The following ABCA1 variants were observed in gnomAD, a reference collection of about 807,000 sequenced individuals.
ABCA1 encodes phospholipid-transporting ATPase ABCA1.
A neutral mutation model predicts 262.5 loss-of-function variants in ABCA1; 133 were observed. The ratio of observed to expected loss-of-function variants is 0.51; its 90% CI spans 0.44 to 0.59. The LOEUF (loss-of-function observed/expected upper bound fraction) is 0.59, where lower values mean the gene tolerates loss of function less well. Ranked by LOEUF, ABCA1 falls within the 20% of genes least tolerant of loss-of-function variation. The pLI, the probability that ABCA1 is intolerant of heterozygous loss-of-function variation, is 0.00. For synonymous variants in ABCA1, 1,022 were observed against 1,043.5 expected (o/e 0.98, Z 0.40); for missense variants, 2,452 against 2,777.5 (o/e 0.88, Z 2.63).
chr9:104,790,794 C>T, intron 44 of ABCA1, 128 bp downstream of exon 44: 5 of 686,124 alleles, frequency 7.3e-6, no homozygotes, highest in South Asian at 3.4e-5. Context: ...GCTTCTTTAC[C>T]CTTTACTATA....
In ABCA1 at chr9:104,810,150, A is replaced by G. The variant is rs186908396; in HGVS notation, c.4176-586T>C. On this transcript the variant is annotated intron_variant, in intron 29 of 49. Transcript: ENST00000374736. ...AGGCCAATTCACATTACATATATAT[A>G]TATATATATATATATATACTTTTTT... 5.0e-4 allele frequency among the ~76,000 whole-genome samples: 65 copies of G among 130,430 alleles called. 1 individual carries two copies. In the East Asian group the frequency reaches 5.4e-3, roughly 11 times the overall value. The allele number at this position is 130,430 out of a possible 152,430, so 85.6% of individuals were successfully genotyped here.
Position 104,802,086 on chromosome 9 carries a change from T to G in ABCA1, c.4666A>C (p.Lys1556Gln). 1 of 1,614,216 alleles carries G rather than the reference T, an allele frequency of 6.2e-7. No homozygotes were observed. Among genetic ancestry groups the G allele is most frequent in the Non-Finnish European group, 8.5e-7 (1 of 1,180,034 alleles). The change falls in exon 34 of 50, where the codon AAA becomes CAA. Residue 1556 changes from lysine to glutamine, a missense_variant. This residue lies in a region of ABCA1 where 752 missense variants were observed against 944.5 expected (regional missense o/e 0.80). Transcript: ENST00000374736. ...AGCTTTAGGTGTTTCTTCATTTGTT[T>G]GATGGCATCATTAACTTCTTGACTC... ...PPSQEVNDAIKQMKKHLKLAK... is the reference protein window; with the variant it reads ...PPSQEVNDAIQQMKKHLKLAK...
At position 104,787,015 on chromosome 9, in the gene ABCA1, A is replaced by G. The variant is rs537776406; in HGVS notation, c.6205-39T>C. The G allele has an allele frequency of 9.2e-6, 14 of 1,526,766 alleles. No individual in the cohort carries two copies. In the East Asian group the frequency reaches 1.1e-4, roughly 12 times the overall value. The allele number at this position is 1,526,766 out of a possible 1,614,324, so 94.6% of individuals were successfully genotyped here. Reference sequence around the variant, plus strand: ...AAAATAAGTCTTATTTGCTGGGGGGAAAAAAAATCAAAGATAAATTTGTTT... The same window carrying G: ...AAAATAAGTCTTATTTGCTGGGGGGGAAAAAAATCAAAGATAAATTTGTTT... On this transcript the variant is annotated intron_variant, in intron 46 of 49. Coordinates refer to ENST00000374736, the MANE Select transcript of ABCA1 (RefSeq NM_005502.4).
rs150572064 is a variant in ABCA1, at chr9:104,858,534, C to T, written c.708G>A (p.Leu236=). 6.2e-7 allele frequency: 1 copy of T among 1,613,748 alleles called. No homozygotes were observed. Among genetic ancestry groups the T allele is most frequent in the East Asian group, 2.2e-5 (1 of 44,892 alleles). ...CAAGTCTACTCACCAGGATTGGCTT[C>T]AGGATGTCCATGTTGGAACGAAGTA... ...ERVLRSNMDI[L]KPILRTLNST... is the part of the protein sequence containing the mutation. Residue 236 remains leucine, a synonymous_variant, in exon 7 of 50, where the codon CTG becomes CTA. Coordinates refer to ENST00000374736, the MANE Select transcript of ABCA1 (RefSeq NM_005502.4).
At chr9:104,881,373 T>C (rs552071787) in intron 5 of ABCA1, among the ~76,000 whole-genome samples, 1 of 152,294 alleles carries the variant, frequency 6.6e-6, no homozygotes, top group South Asian at 2.1e-4. Flanking sequence ...TGCCAGATAC[T>C]ACATTAGGTT....
chr9:104,880,217 G>A (rs925965062), intron 5 of ABCA1, among the ~76,000 whole-genome samples: 1 of 152,150 alleles, frequency 6.6e-6, no homozygotes, highest in African/African-American at 2.4e-5. Context: ...GCACAGGAGG[G>A]CCAAGCTCAT....
At position 104,828,981 on chromosome 9, in the gene ABCA1, T is replaced by C; in HGVS notation, c.2050A>G (p.Ser684Gly). ...GGAATGAGGCTACTAATGAACCAGC[T>C]AAACCAGAGGATGCTGTTGTCCAGG... ...MGLDNSILWF[S>G]WFISSLIPLL... Residue 684 changes from serine (S) to glycine (G), a missense_variant, in exon 15 of 50, where the codon AGC becomes GGC. Ser to Gly is a moderately conservative substitution (Grantham distance 56). This residue lies in a region of ABCA1 where 1,032 missense variants were observed against 1,089.7 expected (regional missense o/e 0.95). Transcript: ENST00000374736. The C allele has an allele frequency of 6.2e-7, 1 of 1,614,144 alleles. No individual in the cohort carries two copies. The highest frequency in any genetic ancestry group is 8.5e-7 in the Non-Finnish European group (1 of 1,180,024).
At chr9:104,796,586 T>C (rs950411776) in intron 37 of ABCA1, among the ~76,000 whole-genome samples, 162 bp from the exon 38 acceptor site, 1 of 152,204 alleles carries the variant, frequency 6.6e-6, no homozygotes, top group Non-Finnish European at 1.5e-5. Flanking sequence ...TACCCGACAA[T>C]ACATTTTGAC....
chr9:104,909,206 C>T (rs950376353), intron 1 of ABCA1, among the ~76,000 whole-genome samples: 3 of 152,194 alleles, frequency 2.0e-5, no homozygotes, highest in Admixed American at 1.3e-4. Flanking sequence ...CCATGAGCCA[C>T]AACAAATATT....
chr9:104,812,767 T>C, intron 27 of ABCA1, 45 bp from the exon 28 acceptor site: 2 of 1,612,836 alleles, frequency 1.2e-6, no homozygotes, highest in South Asian at 1.1e-5. Flanking sequence ...CTTAGGTGTT[T>C]TCGGCATTGC....
chr9:104,883,803 C>T (rs1344823660), intron 4 of ABCA1, among the ~76,000 whole-genome samples: 3 of 152,186 alleles, frequency 2.0e-5, no homozygotes, highest in South Asian at 2.1e-4. Flanking sequence ...ACTCACATCA[C>T]GGTCCTGTGC....
At position 104,844,910 on chromosome 9, in the gene ABCA1, C is replaced by T. The variant is rs1379392780; in HGVS notation, c.813+567G>A. Among the ~76,000 whole-genome samples the T allele has an allele frequency of 3.9e-5, 6 of 152,312 alleles. No homozygotes were observed. The East Asian group carries it at 1.2e-3, about 29-fold the overall frequency. Reference sequence around the variant, plus strand: ...GCAAGTGCCTACAGGCCCTCTGATCCTAGGACAGAGATTACTCTGATACAT... The same window carrying T: ...GCAAGTGCCTACAGGCCCTCTGATCTTAGGACAGAGATTACTCTGATACAT... On this transcript the variant is annotated intron_variant, in intron 8 of 49. Transcript: ENST00000374736.
chr9:104,917,539 G>A (rs1445593944), intron 1 of ABCA1, among the ~76,000 whole-genome samples: 1 of 151,688 alleles, frequency 6.6e-6, no homozygotes, highest in Non-Finnish European at 1.5e-5. Flanking sequence ...TGGATCACCT[G>A]AGGTCAGGAG....
chr9:104,913,781 ATT>A lies in ABCA1; in HGVS notation c.-92-10012_-92-10011del, dbSNP rs1054229568. ...CACTGCCACCTCCCTACAAGTTTTT[ATT>A]TTATTTTATTTATTTATCTATTTAT... is the stretch of plus-strand genomic sequence containing the variant. On this transcript the variant is annotated intron_variant, in intron 1 of 49. Transcript: ENST00000374736. Among the ~76,000 whole-genome samples, 5 of 123,682 alleles carry A rather than the reference ATT, an allele frequency of 4.0e-5. 1 individual carries two copies. The highest frequency in any genetic ancestry group is 4.0e-4 in the Admixed American group (4 of 9,928). 81.1% of individuals were successfully genotyped at this position (123,682 alleles called of 152,430 possible).
rs75671121 is a variant in ABCA1 at position 104,854,497 on chromosome 9, G to A, written c.720+4025C>T. Among the ~76,000 whole-genome samples, 1,364 of 152,082 alleles carry A rather than the reference G, an allele frequency of 9.0e-3. 20 individuals are homozygous for A. The highest frequency in any genetic ancestry group is 0.031 in the African/African-American group (1,282 of 41,504). ...ACAATCGGAAGCAAATCAATCTCTC[G>A]GGCCAAAATTTGCTGGTCCACTACT... On this transcript the variant is annotated intron_variant, in intron 7 of 49. Coordinates refer to ENST00000374736, the MANE Select transcript of ABCA1 (RefSeq NM_005502.4).
chr9:104,837,632 G>A, intron 9 of ABCA1, 65 bp from the exon 10 acceptor site: 1 of 1,591,568 alleles, frequency 6.3e-7, no homozygotes, highest in Non-Finnish European at 8.6e-7. Context: ...ACTTACAAGG[G>A]CTTTGGAGCC....
Position 104,818,755 on chromosome 9 carries a change from T to C in ABCA1, c.3370A>G (p.Thr1124Ala). ...TTGACCAAGGTCAGGTAGTAGCCTGTTCCCAGCTGGTTCTTCAGAAACAGG... is the reference window on the plus strand; with the variant it reads ...TTGACCAAGGTCAGGTAGTAGCCTGCTCCCAGCTGGTTCTTCAGAAACAGG... ...SSLFLKNQLG[T>A]GYYLTLVKKD... The change falls in exon 23 of 50, where the codon ACA becomes GCA. Residue 1124 changes from threonine to alanine, a missense_variant. By Grantham distance (58) the Thr-to-Ala change is moderately conservative. Transcript: ENST00000374736. The C allele has an allele frequency of 2.5e-6, 4 of 1,613,978 alleles. No individual in the cohort carries two copies. Among genetic ancestry groups the C allele is most frequent in the Non-Finnish European group, 3.4e-6 (4 of 1,180,036 alleles).
At chr9:104,836,069 CTA>C (rs747506930) in intron 11 of ABCA1, among the ~76,000 whole-genome samples, 39 of 152,176 alleles carry the variant, frequency 2.6e-4, no homozygotes, top group Non-Finnish European at 5.3e-4. Flanking sequence ...ATGGCATGAG[CTA>C]TATTAGTCAG....
rs770902759 is a variant in ABCA1 at position 104,814,126 on chromosome 9, A to G, written c.3893T>C (p.Ile1298Thr). The change falls in exon 27 of 50, where the codon ATA becomes ACA. Residue 1298 changes from isoleucine (I) to threonine (T), a missense_variant. By Grantham distance (89) the Ile-to-Thr change is moderately conservative. Coordinates refer to ENST00000374736, the MANE Select transcript of ABCA1 (RefSeq NM_005502.4). ...ATCTTGCCCTAACAGACCTGGGTCT[A>G]TGTCAGAATCATTTGGATCAGCAGC... is the stretch of plus-strand genomic sequence containing the variant. ...DDAADPNDSD[I>T]DPESRETDLL... 1.4e-5 allele frequency: 23 copies of G among 1,614,184 alleles called. No homozygotes were observed. Among genetic ancestry groups the G allele is most frequent in the Non-Finnish European group, 1.9e-5 (23 of 1,180,030 alleles).
Sources: allele counts gnomAD v4.1 joint callset (sites outside exome capture counted in the v4.1 genomes callset), GRCh38; gene constraint gnomAD v4.1.1; regional missense constraint gnomAD v4.1.1; transcripts MANE v1.5; gene names NCBI Gene and HGNC (gene_info 2026-07-23, HGNC 2026-07-21).